Variants in SPMIP7 observed in about 807,000 individuals in gnomAD.
SPMIP7 encodes the protein sperm microtubule inner protein 7, also known as protein SPMIP7.
chr7:50,097,099 G>A, the SPMIP7 span, among the ~76,000 whole-genome samples: 2 of 152,214 alleles, frequency 1.3e-5, no homozygotes, highest in African/African-American at 2.4e-5. Context: ...AAGCTGAAAT[G>A]AAGCAAACTC....
chr7:50,103,586 T>C, the SPMIP7 span, among the ~76,000 whole-genome samples: 5 of 152,332 alleles, frequency 3.3e-5, no homozygotes, highest in Non-Finnish European at 4.4e-5. Flanking sequence ...AGAGCAGGAC[T>C]ACCATTGCAC....
At chr7:50,105,225 C>T in the SPMIP7 span, among the ~76,000 whole-genome samples, 1 of 152,112 alleles carries the variant, frequency 6.6e-6, no homozygotes, top group Non-Finnish European at 1.5e-5. Flanking sequence ...AGATATATGT[C>T]ATGCATGATA....
At chr7:50,148,260 A>G in the SPMIP7 span, among the ~76,000 whole-genome samples, 1 of 152,226 alleles carries the variant, frequency 6.6e-6, no homozygotes, top group Non-Finnish European at 1.5e-5. Context: ...CTGAGCAGCT[A>G]ATCAGTCTAA....
At chr7:50,150,193 A>C in the SPMIP7 span, among the ~76,000 whole-genome samples, 1 of 152,164 alleles carries the variant, frequency 6.6e-6, no homozygotes, top group Non-Finnish European at 1.5e-5. Flanking sequence ...GATATAACCA[A>C]GGCAGCCATT....
the SPMIP7 span, among the ~76,000 whole-genome samples, chr7:50,139,966 G>C: frequency 6.6e-6 from 1 of 152,240 alleles, no homozygotes; most frequent in East Asian, 1.9e-4. Context: ...TGACATTCTG[G>C]AGAAAGCAAA....
chr7:50,155,445 T>C, the SPMIP7 span, among the ~76,000 whole-genome samples: 1 of 152,216 alleles, frequency 6.6e-6, no homozygotes, highest in African/African-American at 2.4e-5. Flanking sequence ...GGATGAAACC[T>C]TGTGGCTGGT....
At chr7:50,159,222 C>T in the SPMIP7 span, 47 of 1,531,924 alleles carry the variant, frequency 3.1e-5, no homozygotes, top group Non-Finnish European at 3.8e-5. Context: ...AAGGCTTGTG[C>T]GGCGGTGGGA....
the SPMIP7 span, chr7:50,134,105 T>C: frequency 1.8e-5 from 28 of 1,538,640 alleles, no homozygotes; most frequent in Admixed American, 8.5e-5. Flanking sequence ...AATAACTTCA[T>C]AGAGCTTATG....
At chr7:50,104,467 A>ATT in the SPMIP7 span, 1 of 564,990 alleles carries the variant, frequency 1.8e-6, no homozygotes, top group Non-Finnish European at 2.7e-6. Context: ...ATTGTATTAT[A>ATT]TATATATAAT....
the SPMIP7 span, chr7:50,117,432 AT>A: frequency 8.2e-6 from 2 of 244,348 alleles, no homozygotes; most frequent in African/African-American, 2.3e-5. Context: ...GCAAAAAAAA[AT>A]ATATTAAATT....
the SPMIP7 span, chr7:50,158,901 C>T: frequency 1.3e-6 from 1 of 747,344 alleles, no homozygotes; most frequent in South Asian, 1.7e-5. Context: ...TGAGTGCTCC[C>T]CAGCACGAGT....
At chr7:50,114,993 G>T in the SPMIP7 span, among the ~76,000 whole-genome samples, 1 of 149,776 alleles carries the variant, frequency 6.7e-6, no homozygotes, top group East Asian at 2.0e-4. Flanking sequence ...TCACACCATT[G>T]TGCTACAGCC....
the SPMIP7 span, chr7:50,141,543 CA>C: frequency 3.4e-6 from 2 of 588,188 alleles, no homozygotes; most frequent in Admixed American, 2.8e-5. Context: ...TGGTTTGTCA[CA>C]AAGGAGATTT....
chr7:50,142,742 T>G, the SPMIP7 span: 1 of 152,254 alleles, frequency 6.6e-6, no homozygotes, highest in African/African-American at 2.4e-5. Context: ...GCCATGTGTG[T>G]GGCCCCAATC....
chr7:50,107,861 G>T, the SPMIP7 span, among the ~76,000 whole-genome samples: 1 of 152,286 alleles, frequency 6.6e-6, no homozygotes, highest in South Asian at 2.1e-4. Flanking sequence ...AAGAGTAGTG[G>T]CAGAAAAAGT....
At chr7:50,142,962 G>A in the SPMIP7 span, 11 of 152,212 alleles carry the variant, frequency 7.2e-5, no homozygotes, top group African/African-American at 1.7e-4. Flanking sequence ...GAGCACATGC[G>A]CCTACTTTGT....
the SPMIP7 span, among the ~76,000 whole-genome samples, chr7:50,107,964 A>G: frequency 6.6e-6 from 1 of 152,222 alleles, no homozygotes; most frequent in Non-Finnish European, 1.5e-5. Context: ...TGGTAATTGC[A>G]TTATTTGGAA....
At chr7:50,096,631 A>T in the SPMIP7 span, 1 of 1,535,062 alleles carries the variant, frequency 6.5e-7, no homozygotes, top group South Asian at 1.2e-5. Context: ...TCAGAGCAAG[A>T]CTTGGAGGTA....
chr7:50,156,812 T>C, the SPMIP7 span, among the ~76,000 whole-genome samples: 1 of 152,126 alleles, frequency 6.6e-6, no homozygotes, highest in African/African-American at 2.4e-5. Flanking sequence ...GCCAGTTGTT[T>C]ATGAAGAACC....
Sources: gnomAD v4.1 joint callset for allele counts (sites outside exome capture counted in the v4.1 genomes callset) on GRCh38, gnomAD v4.1.1 for gene constraint, MANE v1.5 for transcripts, NCBI Gene and HGNC (gene_info 2026-07-23, HGNC 2026-07-21) for gene names.